Variants in LRMDA observed in about 807,000 individuals in gnomAD.
LRMDA encodes the protein leucine rich melanocyte differentiation associated, also known as leucine-rich melanocyte differentiation-associated protein.
Under a neutral mutation model 29.8 loss-of-function variants are expected in LRMDA, and 18 were observed. The ratio of observed to expected loss-of-function variants is 0.60; its 90% CI spans 0.42 to 0.90. LRMDA has a LOEUF of 0.90. Among genes scored for constraint, LRMDA ranks in the 40% least tolerant of loss-of-function variants. The pLI, the probability that LRMDA is intolerant of heterozygous loss-of-function variation, is 0.00. For missense variants in LRMDA, 273 were observed against 273.9 expected (o/e 1.00, Z 0.02); for synonymous variants, 125 against 109.4 (o/e 1.14, Z -0.89).
chr10:75,696,899 G>C (rs1176281614), intron 2 of LRMDA, among the ~76,000 whole-genome samples: 1 of 152,116 alleles, frequency 6.6e-6, no homozygotes, highest in Admixed American at 6.6e-5. Context: ...TCAGTCCTTC[G>C]TTGGCAGATC....
intron 2 of LRMDA, among the ~76,000 whole-genome samples, chr10:75,972,474 C>T (rs1392783787): frequency 6.6e-6 from 1 of 152,058 alleles, no homozygotes; most frequent in Non-Finnish European, 1.5e-5. Flanking sequence ...TCATCTGAAG[C>T]GTTTTTGAAA....
Position 75,923,436 on chromosome 10 carries a change from C to T in LRMDA, c.132-112572C>T, listed in dbSNP as rs141435580. Among the ~76,000 whole-genome samples the T allele has an allele frequency of 4.3e-4, 65 of 152,212 alleles. 1 individual carries two copies. Among genetic ancestry groups the T allele is most frequent in the Admixed American group, 1.6e-3 (24 of 15,296 alleles). On this transcript the variant is annotated intron_variant, in intron 2 of 6. Coordinates refer to ENST00000611255, the MANE Select transcript of LRMDA (RefSeq NM_001305581.2). ...TAATGACAGGACATGTAGAAATCAGCGCTGTCATAAAAACAGCCGGGAGAG... is the reference window on the plus strand; with the variant it reads ...TAATGACAGGACATGTAGAAATCAGTGCTGTCATAAAAACAGCCGGGAGAG...
At chr10:75,834,037 G>A (rs1445434862) in intron 2 of LRMDA, among the ~76,000 whole-genome samples, 3 of 152,156 alleles carry the variant, frequency 2.0e-5, no homozygotes, top group Non-Finnish European at 4.4e-5. Flanking sequence ...TTTCGTGAAG[G>A]TAGGATGTGT....
chr10:76,024,891 A>G (rs1848034783), intron 2 of LRMDA, among the ~76,000 whole-genome samples: 1 of 152,228 alleles, frequency 6.6e-6, no homozygotes, highest in Non-Finnish European at 1.5e-5. Context: ...TTCTTGGCCC[A>G]ACATATGTTT....
At chr10:75,649,575 C>T (rs1268191402) in intron 2 of LRMDA, among the ~76,000 whole-genome samples, 1 of 152,208 alleles carries the variant, frequency 6.6e-6, no homozygotes, top group Non-Finnish European at 1.5e-5. Context: ...ACTTGGACCA[C>T]TTCTGTCTTT....
chr10:75,943,014 CTTTGTGG>C (rs373525942), intron 2 of LRMDA, among the ~76,000 whole-genome samples: 131 of 152,182 alleles, frequency 8.6e-4, no homozygotes, highest in African/African-American at 3.1e-3. Context: ...AAATGGGCCA[CTTTGTGG>C]TCAGGCCATT....
At chr10:75,573,446 C>T (rs571433414) in intron 2 of LRMDA, among the ~76,000 whole-genome samples, 1 of 152,204 alleles carries the variant, frequency 6.6e-6, no homozygotes, top group Admixed American at 6.5e-5. Context: ...ATTATGTCCT[C>T]CTAGCAATTT....
chr10:75,813,998 G>A (rs868116077), intron 2 of LRMDA, among the ~76,000 whole-genome samples: 1 of 152,218 alleles, frequency 6.6e-6, no homozygotes, highest in East Asian at 1.9e-4. Flanking sequence ...CTATTGGAAA[G>A]CATTGTAATT....
intron 2 of LRMDA, among the ~76,000 whole-genome samples, chr10:75,986,178 A>G (rs1847259122): frequency 6.6e-6 from 1 of 152,192 alleles, no homozygotes; most frequent in African/African-American, 2.4e-5. Context: ...CTACTATTTA[A>G]CAGACACCAG....
chr10:76,207,619 T>C (rs1851561017), intron 5 of LRMDA, among the ~76,000 whole-genome samples: 1 of 152,140 alleles, frequency 6.6e-6, no homozygotes, highest in Admixed American at 6.5e-5. Flanking sequence ...CCCCTACCTA[T>C]CCAATGGGAT....
At chr10:76,356,905 A>G (rs1330736599) in intron 6 of LRMDA, among the ~76,000 whole-genome samples, 1 of 152,180 alleles carries the variant, frequency 6.6e-6, no homozygotes, top group African/African-American at 2.4e-5. Context: ...GAGGGATATA[A>G]ACAATGACTT....
At chr10:75,892,538 C>G (rs2132354989) in intron 2 of LRMDA, among the ~76,000 whole-genome samples, 1 of 152,346 alleles carries the variant, frequency 6.6e-6, no homozygotes, top group African/African-American at 2.4e-5. Context: ...GAACCTGACT[C>G]AATGTCCTTT....
At chr10:76,126,033 G>T (rs1490591178) in intron 5 of LRMDA, among the ~76,000 whole-genome samples, 1 of 152,208 alleles carries the variant, frequency 6.6e-6, no homozygotes, top group Non-Finnish European at 1.5e-5. Flanking sequence ...GCAATTATGT[G>T]CATTTAGGAC....
At chr10:76,230,745 G>A (rs1852044281) in intron 5 of LRMDA, among the ~76,000 whole-genome samples, 1 of 152,142 alleles carries the variant, frequency 6.6e-6, no homozygotes, top group Admixed American at 6.5e-5. Flanking sequence ...ACAAAGTGCT[G>A]AAATTTGCAG....
intron 2 of LRMDA, among the ~76,000 whole-genome samples, chr10:75,483,592 A>G (rs1844876096): frequency 6.6e-6 from 1 of 152,212 alleles, no homozygotes; most frequent in African/African-American, 2.4e-5. Context: ...TAGCATTGTG[A>G]AACGTGCTTT....
chr10:76,347,581 T>C (rs900596026), intron 6 of LRMDA, among the ~76,000 whole-genome samples: 2 of 152,158 alleles, frequency 1.3e-5, no homozygotes, highest in African/African-American at 4.8e-5. Context: ...TCCGATGCAA[T>C]TTTAGTACTT....
At chr10:76,172,209 A>T (rs1023371415) in intron 5 of LRMDA, among the ~76,000 whole-genome samples, 30 of 152,148 alleles carry the variant, frequency 2.0e-4, no homozygotes, top group Admixed American at 1.1e-3. Flanking sequence ...ACTAGGTCCC[A>T]TCTCTCAACA....
At chr10:76,182,249 A>G (rs935433613) in intron 5 of LRMDA, among the ~76,000 whole-genome samples, 1 of 152,122 alleles carries the variant, frequency 6.6e-6, no homozygotes, top group African/African-American at 2.4e-5. Flanking sequence ...AGTGAGGGAA[A>G]GTGCCACACT....
At chr10:76,041,928 T>C (rs545257380) in intron 3 of LRMDA, among the ~76,000 whole-genome samples, 2 of 152,114 alleles carry the variant, frequency 1.3e-5, no homozygotes, top group Non-Finnish European at 2.9e-5. Flanking sequence ...AAGGTACCCT[T>C]AGGAGAATCC....
Sources: allele counts gnomAD v4.1 joint callset (sites outside exome capture counted in the v4.1 genomes callset), GRCh38; gene constraint gnomAD v4.1.1; transcripts MANE v1.5; gene names NCBI Gene and HGNC (gene_info 2026-07-23, HGNC 2026-07-21).